Variants in VTA1 observed in about 807,000 individuals in gnomAD.
VTA1 encodes the protein vacuolar protein sorting-associated protein VTA1 homolog.
A neutral mutation model predicts 36.9 loss-of-function variants in VTA1; 24 were observed. That is an observed-to-expected ratio of 0.65 (90% CI 0.47 to 0.91). VTA1 has a LOEUF of 0.91. Ranked by LOEUF, VTA1 falls within the 40% of genes least tolerant of loss-of-function variation. VTA1 has a pLI of 0.00. For synonymous variants in VTA1, 142 were observed against 130.2 expected, an observed-to-expected ratio of 1.09 and a Z score of -0.62; for missense variants, 393 against 377.2, an observed-to-expected ratio of 1.04 and a Z score of -0.35.
intron 4 of VTA1, among the ~76,000 whole-genome samples, chr6:142,186,394 A>G (rs533872099): frequency 2.0e-5 from 3 of 152,048 alleles, no homozygotes; most frequent in South Asian, 4.2e-4. Flanking sequence ...TATATTTTAG[A>G]AAGATCACTG....
chr6:142,155,630 G>T (rs1364379036), intron 1 of VTA1, among the ~76,000 whole-genome samples: 1 of 152,116 alleles, frequency 6.6e-6, no homozygotes, highest in African/African-American at 2.4e-5. Context: ...ACCTTTTGTA[G>T]TTTTAATCAA....
intron 5 of VTA1, among the ~76,000 whole-genome samples, 167 bp downstream of exon 5, chr6:142,189,701 A>G (rs960259821): frequency 6.6e-6 from 1 of 152,172 alleles, no homozygotes; most frequent in African/African-American, 2.4e-5. Flanking sequence ...AAATAGAAAT[A>G]AAGGTCAAAC....
intron 1 of VTA1, among the ~76,000 whole-genome samples, chr6:142,153,961 A>G (rs2114629276): frequency 6.6e-6 from 1 of 152,242 alleles, no homozygotes; most frequent in South Asian, 2.1e-4. Context: ...TACCATAACC[A>G]GAATATTGGC....
chr6:142,192,134 A>G (rs935628959), intron 5 of VTA1, among the ~76,000 whole-genome samples: 9 of 152,092 alleles, frequency 5.9e-5, no homozygotes, highest in Admixed American at 2.6e-4. Context: ...TCCACTTATG[A>G]TTTAACGTAT....
At chr6:142,152,385 T>C (rs1778584200) in intron 1 of VTA1, among the ~76,000 whole-genome samples, 1 of 152,142 alleles carries the variant, frequency 6.6e-6, no homozygotes, top group Non-Finnish European at 1.5e-5. Context: ...GTTTTTAGCC[T>C]GTAACTCAGA....
intron 4 of VTA1, among the ~76,000 whole-genome samples, 161 bp from the exon 5 acceptor site, chr6:142,189,265 T>G (rs1775404916): frequency 6.6e-6 from 1 of 152,186 alleles, no homozygotes; most frequent in African/African-American, 2.4e-5. Flanking sequence ...CTTAAATACT[T>G]GGTGGATTCC....
At chr6:142,172,213 G>A (rs918196107) in intron 4 of VTA1, among the ~76,000 whole-genome samples, 1 of 152,144 alleles carries the variant, frequency 6.6e-6, no homozygotes, top group African/African-American at 2.4e-5. Context: ...GTTTCACTGT[G>A]TTGGCCAGGA....
At chr6:142,175,205 C>CT (rs957530090) in intron 4 of VTA1, among the ~76,000 whole-genome samples, 3 of 152,004 alleles carry the variant, frequency 2.0e-5, no homozygotes, top group Admixed American at 6.6e-5. Context: ...TTATTTTGAG[C>CT]TTTTTTTCCC....
chr6:142,149,291 AG>A (rs1778519811), intron 1 of VTA1, among the ~76,000 whole-genome samples: 1 of 152,332 alleles, frequency 6.6e-6, no homozygotes, highest in South Asian at 2.1e-4. Flanking sequence ...TTTATTGCTC[AG>A]GTGACACTTA....
chr6:142,200,029 A>G (rs549189987), intron 6 of VTA1, among the ~76,000 whole-genome samples: 1 of 152,260 alleles, frequency 6.6e-6, no homozygotes, highest in African/African-American at 2.4e-5. Context: ...AGAGTCCCAG[A>G]CACAAGCATT....
intron 5 of VTA1, among the ~76,000 whole-genome samples, chr6:142,198,104 A>AT (rs1554220873): frequency 9.6e-5 from 5 of 51,862 alleles, no homozygotes; most frequent in African/African-American, 2.1e-4. Flanking sequence ...CTCAAAAAAA[A>AT]ATATATATAT....
chr6:142,218,453 C>CT, intron 7 of VTA1, 45 bp from the exon 8 acceptor site: 1 of 1,597,518 alleles, frequency 6.3e-7, no homozygotes, highest in East Asian at 2.2e-5. Flanking sequence ...TTACAGAACA[C>CT]TTTTTATATT....
chr6:142,217,884 G>A (rs1776031945), intron 7 of VTA1, among the ~76,000 whole-genome samples: 2 of 151,354 alleles, frequency 1.3e-5, no homozygotes, highest in Admixed American at 6.6e-5. Context: ...TGTTTAGTTG[G>A]GCACTACATG....
intron 6 of VTA1, 115 bp from the exon 7 acceptor site, chr6:142,203,869 TG>T: frequency 1.3e-6 from 1 of 767,534 alleles, no homozygotes; most frequent in African/African-American, 1.7e-5. Context: ...AATCCATTGA[TG>T]TTTCTAGAAA....
intron 4 of VTA1, among the ~76,000 whole-genome samples, chr6:142,187,669 G>GA (rs1194161544): frequency 1.3e-5 from 2 of 152,182 alleles, no homozygotes; most frequent in Non-Finnish European, 2.9e-5. Context: ...GTCATACCTG[G>GA]AAGAAAATCA....
intron 7 of VTA1, among the ~76,000 whole-genome samples, chr6:142,213,393 G>T (rs761040837): frequency 6.6e-6 from 1 of 152,198 alleles, no homozygotes; most frequent in Non-Finnish European, 1.5e-5. Flanking sequence ...GCTTTCACAG[G>T]CTGATGTTGA....
chr6:142,203,915 A>T, intron 6 of VTA1, 70 bp from the exon 7 acceptor site: 1 of 1,265,998 alleles, frequency 7.9e-7, no homozygotes, highest in Non-Finnish European at 1.1e-6. Context: ...CATGATTTTT[A>T]AGTGCTGCCC....
intron 7 of VTA1, among the ~76,000 whole-genome samples, chr6:142,209,166 C>T (rs980866403): frequency 6.6e-6 from 1 of 151,888 alleles, no homozygotes; most frequent in East Asian, 1.9e-4. Flanking sequence ...ACCAAAAAAC[C>T]GTTAGAACTG....
rs180710345 is a variant in VTA1 at position 142,223,760 on chromosome 6, C to T, written c.*5117C>T. The T allele has an allele frequency of 4.6e-5, 7 of 151,966 alleles. No individual in the cohort carries two copies. Among genetic ancestry groups the T allele is most frequent in the South Asian group, 2.1e-4 (1 of 4,816 alleles). The allele number at this position is 151,966 out of a possible 1,614,324, so 9.4% of individuals were successfully genotyped here. Reference sequence around the variant, plus strand: ...ATAATGCCATACTGGATATTATATACGAGTTACAATAATTCTTCCTAAAGT... The same window carrying T: ...ATAATGCCATACTGGATATTATATATGAGTTACAATAATTCTTCCTAAAGT... On this transcript the variant is annotated 3_prime_UTR_variant, in exon 8 of 8. Transcript: ENST00000367630.
Sources: allele counts gnomAD v4.1 joint callset (sites outside exome capture counted in the v4.1 genomes callset), GRCh38; gene constraint gnomAD v4.1.1; transcripts MANE v1.5; gene names NCBI Gene and HGNC (gene_info 2026-07-23, HGNC 2026-07-21).